Variants in FGF14 observed in about 807,000 individuals in gnomAD.
The protein encoded by FGF14 is fibroblast growth factor homologous factor 4.
Under a neutral mutation model 25.5 loss-of-function variants are expected in FGF14, and 5 were observed. The ratio of observed to expected loss-of-function variants is 0.20; its 90% confidence interval spans 0.10 to 0.41. The LOEUF is 0.41. Ranked by LOEUF, FGF14 falls within the 10% of genes least tolerant of loss-of-function variation. FGF14 has a pLI of 1.00. For missense variants in FGF14, 222 were observed against 320.1 expected (o/e 0.69, Z 2.34); for synonymous variants, 138 against 118.3 (o/e 1.17, Z -1.08).
rs566229790 is a variant in FGF14 at position 101,877,431 on chromosome 13, G to T, written c.194-2135C>A. Among the ~76,000 whole-genome samples the T allele has an allele frequency of 7.9e-5, 12 of 152,096 alleles. 1 individual carries two copies. The South Asian group carries it at 2.5e-3, about 32-fold the overall frequency. ...CTCACCATTACCTTACTTAATAGAA[G>T]CCCACTTGGAGGATGAAGAAATCGA... On this transcript the variant is annotated intron_variant, in intron 1 of 4. Transcript: ENST00000376143.
intron 1 of FGF14, among the ~76,000 whole-genome samples, chr13:102,214,105 A>G (rs2050269332): frequency 6.6e-6 from 1 of 152,202 alleles, no homozygotes; most frequent in South Asian, 2.1e-4. Context: ...CCTTAGCCTA[A>G]CCTTTTCCTT....
chr13:102,315,766 T>C (rs1257130822), intron 1 of FGF14, among the ~76,000 whole-genome samples: 1 of 152,146 alleles, frequency 6.6e-6, no homozygotes, highest in Non-Finnish European at 1.5e-5. Context: ...AAGCTTGAAA[T>C]AAACTAGGTA....
intron 1 of FGF14, among the ~76,000 whole-genome samples, chr13:102,140,449 T>C (rs1347525982): frequency 1.3e-5 from 2 of 152,100 alleles, no homozygotes; most frequent in South Asian, 4.1e-4. Flanking sequence ...TCCCCAACTT[T>C]TACTTCAAAA....
At chr13:101,760,952 T>G (rs2037987215) in intron 3 of FGF14, among the ~76,000 whole-genome samples, 1 of 152,136 alleles carries the variant, frequency 6.6e-6, no homozygotes, top group Non-Finnish European at 1.5e-5. Flanking sequence ...TTAATTACTC[T>G]CTTGAAGGAT....
intron 1 of FGF14, among the ~76,000 whole-genome samples, chr13:102,004,705 C>G (rs964612569): frequency 6.6e-6 from 1 of 152,112 alleles, no homozygotes; most frequent in African/African-American, 2.4e-5. Context: ...CATTTTGAAT[C>G]CCATAATCCC....
In FGF14 at chr13:102,128,587, C is replaced by T. The variant is rs564813636; in HGVS notation, c.209-253291G>A. On this transcript the variant is annotated intron_variant, in intron 1 of 4. Transcript: ENST00000376131. ...TGCTAATTCTGAAAAACTCCACCCT[C>T]ACTTCCCCATGAACACATGTTATCA... Among the ~76,000 whole-genome samples the T allele has an allele frequency of 5.3e-5, 8 of 152,334 alleles. No individual in the cohort carries two copies. The East Asian group carries it at 1.3e-3, about 26-fold the overall frequency.
intron 3 of FGF14, among the ~76,000 whole-genome samples, chr13:101,831,998 C>T (rs190557274): frequency 2.4e-4 from 37 of 152,022 alleles, no homozygotes; most frequent in African/African-American, 7.2e-4. Context: ...GTAAAGATTA[C>T]GTTATTAGAA....
chr13:101,861,638 G>C (rs1381232627), intron 3 of FGF14, among the ~76,000 whole-genome samples: 1 of 152,044 alleles, frequency 6.6e-6, no homozygotes. Flanking sequence ...AAATTAAGGA[G>C]TGGTTACCAT....
At chr13:101,801,287 T>C (rs550999005) in intron 3 of FGF14, among the ~76,000 whole-genome samples, 1 of 152,298 alleles carries the variant, frequency 6.6e-6, no homozygotes, top group East Asian at 1.9e-4. Flanking sequence ...TTGGAAAATA[T>C]GATCTAAAAC....
chr13:101,981,020 T>C (rs1056929301), intron 1 of FGF14, among the ~76,000 whole-genome samples: 5 of 148,888 alleles, frequency 3.4e-5, no homozygotes, highest in African/African-American at 7.5e-5. Flanking sequence ...GGTGGGTGGA[T>C]TGCCTGAGTT....
chr13:101,827,094 T>C (rs1225401371), intron 3 of FGF14, among the ~76,000 whole-genome samples: 1 of 152,020 alleles, frequency 6.6e-6, no homozygotes, highest in Non-Finnish European at 1.5e-5. Flanking sequence ...GAGAAAGAAA[T>C]TTCTATTTTT....
At chr13:101,910,743 A>T (rs569475670) in intron 1 of FGF14, among the ~76,000 whole-genome samples, 1 of 152,172 alleles carries the variant, frequency 6.6e-6, no homozygotes, top group East Asian at 1.9e-4. Flanking sequence ...ATTATAGACC[A>T]AAACTATGAA....
At chr13:101,950,137 A>G (rs2493592) in intron 1 of FGF14, among the ~76,000 whole-genome samples, 61,199 of 151,932 alleles carry the variant, frequency 0.4, 14,909 homozygotes, top group East Asian at 0.71. Flanking sequence ...CAGATGCCCA[A>G]TAAGAACAGA....
chr13:101,812,993 T>G (rs1047941482), intron 3 of FGF14, among the ~76,000 whole-genome samples: 8 of 152,154 alleles, frequency 5.3e-5, no homozygotes, highest in African/African-American at 1.9e-4. Flanking sequence ...ATAATTGCTT[T>G]CCTTAGCAAT....
chr13:101,918,644 T>A (rs1474557013), upstream of FGF14, among the ~76,000 whole-genome samples: 1 of 152,220 alleles, frequency 6.6e-6, no homozygotes, highest in Non-Finnish European at 1.5e-5. Flanking sequence ...GCTGGGCACC[T>A]TCTGCTCTAA....
intron 1 of FGF14, among the ~76,000 whole-genome samples, chr13:102,029,498 T>A (rs142409675): frequency 6.6e-6 from 1 of 152,022 alleles, no homozygotes; most frequent in Non-Finnish European, 1.5e-5. Context: ...TATAGCATCA[T>A]GTGTGTAGAT....
At chr13:102,058,094 A>AAGGACATG (rs1311254091) in intron 1 of FGF14, among the ~76,000 whole-genome samples, 2 of 152,194 alleles carry the variant, frequency 1.3e-5, no homozygotes, top group African/African-American at 4.8e-5. Flanking sequence ...ACTTGTAACA[A>AAGGACATG]AGGACATGAG....
At chr13:102,052,678 C>T (rs1456922234) in intron 1 of FGF14, among the ~76,000 whole-genome samples, 1 of 151,810 alleles carries the variant, frequency 6.6e-6, no homozygotes, top group Non-Finnish European at 1.5e-5. Flanking sequence ...ATACCGTATC[C>T]AGCAAATATG....
chr13:102,314,075 A>G lies in FGF14; in HGVS notation c.208+87396T>C, dbSNP rs368537816. 1.7e-3 allele frequency among the ~76,000 whole-genome samples: 252 copies of G among 151,068 alleles called. 2 individuals carry two copies. The highest frequency in any genetic ancestry group is 5.6e-3 in the African/African-American group (232 of 41,274). On this transcript the variant is annotated intron_variant, in intron 1 of 4. Coordinates refer to the FGF14 transcript ENST00000376131. Reference sequence around the variant, plus strand: ...CACTACTTCAGGGGCCACGCAAGCCATCTTCATGAGGCATTACGTATTGAA... The same window carrying G: ...CACTACTTCAGGGGCCACGCAAGCCGTCTTCATGAGGCATTACGTATTGAA...
Sources: allele counts gnomAD v4.1 joint callset (sites outside exome capture counted in the v4.1 genomes callset), GRCh38; gene constraint gnomAD v4.1.1; transcripts MANE v1.5; gene names NCBI Gene and HGNC (gene_info 2026-07-23, HGNC 2026-07-21).